Variants in LRFN5 observed in about 807,000 individuals in gnomAD.
The protein encoded by LRFN5 is leucine-rich repeat and fibronectin type-III domain-containing protein 5.
LRFN5 carries 24 observed loss-of-function variants against 45.6 expected under a neutral mutation model. The ratio of observed to expected loss-of-function variants is 0.53; its 90% CI spans 0.38 to 0.74. The LOEUF is 0.74. Ranked by LOEUF, LRFN5 falls within the 30% of genes least tolerant of loss-of-function variation. The probability of loss-of-function intolerance (pLI) is 0.00; values close to 1 mark genes in which losing one functional copy is unlikely to be tolerated. For missense variants in LRFN5, 776 were observed against 861.5 expected, an observed-to-expected ratio of 0.90 and a Z score of 1.24; for synonymous variants, 340 against 313.8, an observed-to-expected ratio of 1.08 and a Z score of -0.88.
intron 1 of LRFN5, among the ~76,000 whole-genome samples, chr14:41,654,836 T>C (rs1231822493): frequency 6.6e-6 from 1 of 152,004 alleles, no homozygotes; most frequent in African/African-American, 2.4e-5. Context: ...TGTAGTAGCA[T>C]AGGTAATTTT....
At chr14:41,824,157 T>G (rs1423903650) in intron 2 of LRFN5, among the ~76,000 whole-genome samples, 2 of 152,236 alleles carry the variant, frequency 1.3e-5, no homozygotes, top group African/African-American at 4.8e-5. Context: ...AATTATTTAT[T>G]TGGCATTTCA....
Position 41,775,196 on chromosome 14 carries a change from T to C in LRFN5, c.-21+8167T>C, listed in dbSNP as rs916519089. 3.2e-4 allele frequency among the ~76,000 whole-genome samples: 48 copies of C among 149,268 alleles called. 1 individual carries two copies. Among genetic ancestry groups the C allele is most frequent in the South Asian group, 6.6e-4 (3 of 4,576 alleles). The stretch of plus-strand genomic sequence containing the variant: ...AGCTCCGCCTCCCGGGTTCACGCCA[T>C]TCTCCTGCCTCAGCCTCCCGAGTAG... On this transcript the variant is annotated intron_variant, in intron 2 of 5. Transcript: ENST00000298119.
rs59438733 is a variant in LRFN5, at chr14:41,775,093, C to CTTTTT, written c.-21+8075_-21+8079dup. On this transcript the variant is annotated intron_variant, in intron 2 of 5. Coordinates refer to ENST00000298119, the MANE Select transcript of LRFN5 (RefSeq NM_152447.5). ...AGATTTGATGCTACTTTTTCTTTTT[C>CTTTTT]TTTTTTTTTTTTTTTGAGACGGAGT... Among the ~76,000 whole-genome samples, 7 of 112,492 alleles carry CTTTTT rather than the reference C, an allele frequency of 6.2e-5. 3 individuals are homozygous for CTTTTT. The highest frequency in any genetic ancestry group is 1.0e-4 in the Non-Finnish European group (6 of 59,038). 73.8% of individuals were successfully genotyped at this position (112,492 alleles called of 152,430 possible).
intron 2 of LRFN5, among the ~76,000 whole-genome samples, chr14:41,800,202 T>G (rs1291127649): frequency 6.6e-6 from 1 of 152,104 alleles, no homozygotes; most frequent in Admixed American, 6.6e-5. Context: ...TTTGCCTTCA[T>G]TTATCTTTAA....
At chr14:41,816,089 C>A (rs1036450094) in intron 2 of LRFN5, among the ~76,000 whole-genome samples, 4 of 151,978 alleles carry the variant, frequency 2.6e-5, no homozygotes, top group Non-Finnish European at 4.4e-5. Context: ...TTTTATATTT[C>A]TATTTTATAC....
At chr14:41,756,459 C>G (rs967894308) in intron 1 of LRFN5, among the ~76,000 whole-genome samples, 1 of 152,100 alleles carries the variant, frequency 6.6e-6, no homozygotes, top group African/African-American at 2.4e-5. Context: ...AGGCTTTATT[C>G]GTTTCTTTTT....
intron 2 of LRFN5, among the ~76,000 whole-genome samples, chr14:41,790,874 T>A (rs1229843735): frequency 1.3e-5 from 2 of 151,776 alleles, no homozygotes; most frequent in African/African-American, 2.4e-5. Flanking sequence ...ATTTATCTTA[T>A]AATTGTTGGG....
intron 2 of LRFN5, among the ~76,000 whole-genome samples, chr14:41,812,216 C>A (rs17112289): frequency 0.19 from 28,399 of 151,836 alleles, 3,318 homozygotes; most frequent in African/African-American, 0.33. Context: ...AAAATGATAT[C>A]AGAGAAATAA....
At chr14:41,626,015 C>T (rs1431251958) in intron 1 of LRFN5, among the ~76,000 whole-genome samples, 1 of 152,000 alleles carries the variant, frequency 6.6e-6, no homozygotes, top group Non-Finnish European at 1.5e-5. Context: ...TGTGAATTTA[C>T]ATTTTCTGGA....
intron 4 of LRFN5, among the ~76,000 whole-genome samples, chr14:41,897,308 A>G (rs1890973662): frequency 6.6e-6 from 1 of 151,882 alleles, no homozygotes; most frequent in African/African-American, 2.4e-5. Context: ...TTACACAAAC[A>G]GTGAATATAA....
rs371085375 is a variant in LRFN5, at chr14:41,769,161, T to C, written c.-21+2132T>C. On this transcript the variant is annotated intron_variant, in intron 2 of 5. Transcript: ENST00000298119. ...TAGCTCATTGAAAATTCATAGGACATCCATTAAAATCCCTTTAAAAATTAA... is the reference window on the plus strand; with the variant it reads ...TAGCTCATTGAAAATTCATAGGACACCCATTAAAATCCCTTTAAAAATTAA... Among the ~76,000 whole-genome samples, 38 of 151,910 alleles carry C rather than the reference T, an allele frequency of 2.5e-4. No homozygotes were observed. In the East Asian group the frequency reaches 6.2e-3, roughly 25 times the overall value.
At chr14:41,695,876 T>A (rs1400881309) in intron 1 of LRFN5, among the ~76,000 whole-genome samples, 1 of 151,982 alleles carries the variant, frequency 6.6e-6, no homozygotes, top group East Asian at 1.9e-4. Flanking sequence ...TCAAACTTTG[T>A]CTTATTATTT....
At chr14:41,675,067 T>A (rs1881548976) in intron 1 of LRFN5, among the ~76,000 whole-genome samples, 1 of 151,762 alleles carries the variant, frequency 6.6e-6, no homozygotes. Flanking sequence ...GAGGCGCTCC[T>A]CACTTCCTAG....
chr14:41,853,790 A>G (rs2139080999), intron 2 of LRFN5, among the ~76,000 whole-genome samples: 1 of 152,208 alleles, frequency 6.6e-6, no homozygotes, highest in Admixed American at 6.5e-5. Flanking sequence ...AAGCTGGAAG[A>G]AGTACTGGAT....
At chr14:41,851,959 G>A (rs1476304780) in intron 2 of LRFN5, among the ~76,000 whole-genome samples, 2 of 150,166 alleles carry the variant, frequency 1.3e-5, no homozygotes, top group Non-Finnish European at 3.0e-5. Context: ...TCTGGCAGTG[G>A]TAATCCTTGC....
Position 41,886,790 on chromosome 14 carries a change from A to G in LRFN5, c.165A>G (p.Glu55=). The change falls in exon 3 of 6, where the codon GAA becomes GAG. Residue 55 remains glutamate (E), a synonymous_variant. Coordinates refer to ENST00000298119, the MANE Select transcript of LRFN5 (RefSeq NM_152447.5). Reference sequence around the variant, plus strand: ...CAAACATTGACAGAAGAACTGTGGAACTGCGGTTGGCAGACAATTTTGTTA... The same window carrying G: ...CAAACATTGACAGAAGAACTGTGGAGCTGCGGTTGGCAGACAATTTTGTTA... ...VPPNIDRRTV[E]LRLADNFVTN... The G allele has an allele frequency of 6.2e-7, 1 of 1,614,160 alleles. No homozygotes were observed. Among genetic ancestry groups the G allele is most frequent in the East Asian group, 2.2e-5 (1 of 44,880 alleles).
At chr14:41,620,644 T>C (rs543254807) in intron 1 of LRFN5, among the ~76,000 whole-genome samples, 7 of 152,156 alleles carry the variant, frequency 4.6e-5, no homozygotes, top group Admixed American at 1.3e-4. Flanking sequence ...TAAAATATTG[T>C]TTAAATAGCT....
chr14:41,699,707 A>G (rs950661845), intron 1 of LRFN5: 1 of 152,118 alleles, frequency 6.6e-6, no homozygotes, highest in African/African-American at 2.4e-5. Flanking sequence ...AGATTGTTAC[A>G]GGAGATAGAG....
chr14:41,707,843 G>T (rs1883129756), intron 1 of LRFN5, among the ~76,000 whole-genome samples: 1 of 151,962 alleles, frequency 6.6e-6, no homozygotes, highest in African/African-American at 2.4e-5. Context: ...TTGCCCCAAA[G>T]ACTAAAATAT....
Sources: gnomAD v4.1 joint callset for allele counts (sites outside exome capture counted in the v4.1 genomes callset) on GRCh38, gnomAD v4.1.1 for gene constraint, MANE v1.5 for transcripts, NCBI Gene and HGNC (gene_info 2026-07-23, HGNC 2026-07-21) for gene names.